Variants in ABAT observed in about 807,000 individuals in gnomAD.
ABAT encodes 4-aminobutyrate aminotransferase, mitochondrial.
ABAT carries 45 observed loss-of-function variants against 64.6 expected under a neutral mutation model. The ratio of observed to expected loss-of-function variants is 0.70; its 90% CI spans 0.55 to 0.89. The LOEUF is 0.89. Ranked by LOEUF, ABAT falls within the 40% of genes least tolerant of loss-of-function variation. The pLI, the probability that ABAT is intolerant of heterozygous loss-of-function variation, is 0.00. For missense variants in ABAT, 633 were observed against 658.4 expected (o/e 0.96, Z 0.42); for synonymous variants, 297 against 250.5 (o/e 1.19, Z -1.75).
chr16:8,701,121 A>G (rs765917787), intron 1 of ABAT, among the ~76,000 whole-genome samples: 1 of 152,180 alleles, frequency 6.6e-6, no homozygotes, highest in South Asian at 2.1e-4. Context: ...TATTTTTAGT[A>G]GAGACGGGGT....
intron 6 of ABAT, among the ~76,000 whole-genome samples, chr16:8,761,041 A>T (rs1358071280): frequency 6.6e-6 from 1 of 152,004 alleles, no homozygotes; most frequent in African/African-American, 2.4e-5. Context: ...TCGCCACTGC[A>T]CTCCAGCCTG....
intron 1 of ABAT, among the ~76,000 whole-genome samples, chr16:8,677,032 G>A (rs375494847): frequency 7.2e-5 from 11 of 152,212 alleles, no homozygotes; most frequent in African/African-American, 2.7e-4. Context: ...CCAAGGCGAA[G>A]TTCAAAGCAT....
Position 8,764,054 on chromosome 16 carries a change from C to A in ABAT, c.367-15C>A. The A allele has an allele frequency of 6.2e-7, 1 of 1,613,482 alleles. No homozygotes were observed. The highest frequency in any genetic ancestry group is 1.1e-5 in the South Asian group (1 of 91,066). ...GGCCCCCAGAAGTCACCATTTGTCT[C>A]TTGCCCTTTTGCAGAGCATGTTTGT... On this transcript the variant is annotated splice_polypyrimidine_tract_variant and intron_variant, in intron 6 of 15. Transcript: ENST00000268251. The surrounding 1 kb of genome is among the most constrained non-coding windows in gnomAD (Gnocchi z 4.2).
intron 1 of ABAT, among the ~76,000 whole-genome samples, chr16:8,727,297 T>G (rs1156308481): frequency 6.6e-6 from 1 of 152,180 alleles, no homozygotes; most frequent in Non-Finnish European, 1.5e-5. Context: ...TGGCTCCAGA[T>G]GACCGCACCT....
intron 5 of ABAT, among the ~76,000 whole-genome samples, chr16:8,754,436 G>A (rs2059584124): frequency 6.6e-6 from 1 of 152,024 alleles, no homozygotes; most frequent in South Asian, 2.1e-4. Context: ...AAGAGGGGGT[G>A]GTCTGGAAAG....
chr16:8,685,463 A>G (rs1327681397), intron 1 of ABAT, among the ~76,000 whole-genome samples: 2 of 152,024 alleles, frequency 1.3e-5, no homozygotes, highest in East Asian at 3.9e-4. Flanking sequence ...TGAGCTCAGG[A>G]GTTCGCGACC....
intron 1 of ABAT, among the ~76,000 whole-genome samples, chr16:8,698,988 C>T (rs964737136): frequency 2.6e-5 from 4 of 152,062 alleles, no homozygotes; most frequent in African/African-American, 7.2e-5. Flanking sequence ...AGTGCTGCAA[C>T]GAACAGCAGC....
intron 5 of ABAT, among the ~76,000 whole-genome samples, chr16:8,754,385 C>T (rs745955018): frequency 9.2e-5 from 14 of 151,718 alleles, no homozygotes; most frequent in Non-Finnish European, 1.9e-4. Flanking sequence ...AGAAAAGGTT[C>T]AAGGGGTGGA....
intron 1 of ABAT, among the ~76,000 whole-genome samples, chr16:8,726,262 CTTTTT>C (rs71152921): frequency 8.3e-6 from 1 of 120,818 alleles, no homozygotes; most frequent in Non-Finnish European, 1.7e-5. Flanking sequence ...ATGACTAGAT[CTTTTT>C]TTTTTTTTTT....
chr16:8,784,380 A>G lies in ABAT; in HGVS notation c.*2950A>G, dbSNP rs2060501047. 6.6e-6 allele frequency: 1 copy of G among 152,666 alleles called. No individual in the cohort carries two copies. Among genetic ancestry groups the G allele is most frequent in the Non-Finnish European group, 1.5e-5 (1 of 68,042 alleles). 9.5% of individuals were successfully genotyped at this position (152,666 alleles called of 1,614,324 possible). On this transcript the variant is annotated 3_prime_UTR_variant, in exon 16 of 16. Transcript: ENST00000268251. ...ATATATAAGCTCATGGTAGAAAACCATAGCTAAGTAGCATCGCAGACTTAA... is the reference window on the plus strand; with the variant it reads ...ATATATAAGCTCATGGTAGAAAACCGTAGCTAAGTAGCATCGCAGACTTAA...
intron 1 of ABAT, among the ~76,000 whole-genome samples, chr16:8,691,122 A>T (rs2057570096): frequency 6.6e-6 from 1 of 152,046 alleles, no homozygotes; most frequent in South Asian, 2.1e-4. Flanking sequence ...ACTTGCCCAT[A>T]TTGGCACATA....
At chr16:8,739,039 G>T (rs946755606) in intron 2 of ABAT, among the ~76,000 whole-genome samples, 9 of 152,230 alleles carry the variant, frequency 5.9e-5, no homozygotes, top group Admixed American at 2.6e-4. Context: ...GGTATGGAGG[G>T]TTCCAAGTCA....
At chr16:8,680,415 A>C (rs1469250142) in intron 1 of ABAT, among the ~76,000 whole-genome samples, 1 of 151,978 alleles carries the variant, frequency 6.6e-6, no homozygotes, top group Non-Finnish European at 1.5e-5. Flanking sequence ...CATTTTCATC[A>C]TTTTATTTTT....
chr16:8,738,492 C>T (rs911257832), intron 2 of ABAT: 8 of 455,574 alleles, frequency 1.8e-5, no homozygotes, highest in African/African-American at 6.0e-5. Flanking sequence ...TCTTCCATGG[C>T]CTCCTCTGGT....
At chr16:8,727,053 A>G (rs898058191) in intron 1 of ABAT, among the ~76,000 whole-genome samples, 5 of 152,108 alleles carry the variant, frequency 3.3e-5, no homozygotes, top group Non-Finnish European at 7.3e-5. Context: ...ATTTTTTTCT[A>G]TAGAGTTGTT....
At chr16:8,735,551 T>C in intron 1 of ABAT, 148 bp from the exon 2 acceptor site, 6 of 724,670 alleles carry the variant, frequency 8.3e-6, no homozygotes, top group Non-Finnish European at 1.4e-5. Context: ...TGGCCTAATA[T>C]ATAAAGTCCA....
chr16:8,732,192 T>A (rs1395167585), intron 1 of ABAT, among the ~76,000 whole-genome samples: 2 of 6,420 alleles, frequency 3.1e-4, no homozygotes, highest in African/African-American at 4.0e-4. Flanking sequence ...TTTAGGTTTT[T>A]TTTGTTTTTT....
chr16:8,752,506 C>A (rs549965432), intron 5 of ABAT, among the ~76,000 whole-genome samples: 92 of 152,300 alleles, frequency 6.0e-4, no homozygotes, highest in African/African-American at 2.2e-3. Context: ...CGCTGATAAT[C>A]CCAGCACTTT....
intron 2 of ABAT, among the ~76,000 whole-genome samples, chr16:8,737,920 T>A (rs1373257814): frequency 7.2e-5 from 5 of 69,650 alleles, no homozygotes; most frequent in Admixed American, 1.8e-4. Flanking sequence ...AGACTGAGAT[T>A]AAAAAAAAAA....
Sources: allele counts gnomAD v4.1 joint callset (sites outside exome capture counted in the v4.1 genomes callset), GRCh38; gene constraint gnomAD v4.1.1; non-coding constraint Gnocchi (gnomAD v3.1); transcripts MANE v1.5; gene names NCBI Gene and HGNC (gene_info 2026-07-23, HGNC 2026-07-21).